Variants in ZNF628 observed in about 807,000 individuals in gnomAD.
The protein encoded by ZNF628 is zinc finger protein Zec.
A neutral mutation model predicts 2.5 loss-of-function variants in ZNF628; 3 were observed. That is an observed-to-expected ratio of 1.19 (90% CI 0.54 to 3.07). The LOEUF is 3.07. Ranked by LOEUF, ZNF628 falls within the 30% of genes most tolerant of loss-of-function variation. The pLI is 0.03. For synonymous variants in ZNF628, 861 were observed against 717.1 expected, an observed-to-expected ratio of 1.20 and a Z score of -3.21; for missense variants, 1,610 against 1,517.1, an observed-to-expected ratio of 1.06 and a Z score of -1.02.
chr19:55,481,129 G>C (rs987912778), intron 2 of ZNF628, 72 bp from the exon 3 acceptor site: 1 of 1,446,338 alleles, frequency 6.9e-7, no homozygotes, highest in South Asian at 1.5e-5. Flanking sequence ...CCCTTAAAGA[G>C]CCCGTGTGTG....
rs752898034 is a variant in ZNF628, at chr19:55,483,130, C to T, written c.1937C>T (p.Pro646Leu). The change falls in exon 3 of 3, where the codon CCG becomes CTG. Residue 646 changes from proline to leucine, a missense_variant. Physicochemically the swap from Pro to Leu is moderately conservative, Grantham distance 98. Coordinates refer to ENST00000598519, the MANE Select transcript of ZNF628 (RefSeq NM_033113.3). ...CAGCGGCACCTGAGGACGCACGCCC[C>T]GGCCAACACGCCTCCCAGCACCACA... ...YLQRHLRTHA[P>L]ANTPPSTTAP... 19 of 1,587,582 alleles carry T rather than the reference C, an allele frequency of 1.2e-5. No homozygotes were observed. The highest frequency in any genetic ancestry group is 9.4e-5 in the African/African-American group (7 of 74,508).
chr19:55,483,397 C>G lies in ZNF628; in HGVS notation c.2204C>G (p.Pro735Arg), dbSNP rs1158327768. ...AGCGTGCAGCCCCCTACACCTCCGC[C>G]CCCTCCCGCACCTCCCAAGCTCATC... The part of the protein sequence containing the change: ...PSSVQPPTPP[P>R]PPAPPKLILL... The change falls in exon 3 of 3, where the codon CCC (proline) becomes CGC (arginine). Residue 735 changes from proline (P) to arginine (R), a missense_variant. This residue lies in a region of ZNF628 where 712 missense variants were observed against 603.6 expected (regional missense o/e 1.18). Transcript: ENST00000598519. 3 of 1,533,750 alleles carry G rather than the reference C, an allele frequency of 2.0e-6. No homozygotes were observed. The Admixed American group carries it at 6.1e-5, about 31-fold the overall frequency.
Position 55,479,285 on chromosome 19 carries a change from A to G in ZNF628, c.-77-549A>G, listed in dbSNP as rs187606592. Among the ~76,000 whole-genome samples, 508 of 152,344 alleles carry G rather than the reference A, an allele frequency of 3.3e-3. 2 individuals carry two copies. The highest frequency in any genetic ancestry group is 5.8e-3 in the Admixed American group (88 of 15,304). The stretch of plus-strand genomic sequence containing the variant: ...GGCCATTGCGGGCCACGCGCCGCCC[A>G]GGCCATGGAGTGGGGGCACCCGCGT... On this transcript the variant is annotated intron_variant, in intron 1 of 2. Coordinates refer to ENST00000598519, the MANE Select transcript of ZNF628 (RefSeq NM_033113.3). This position sits in a 1 kb window ranked among gnomAD's most constrained non-coding sequence, Gnocchi z 5.1.
intron 1 of ZNF628, among the ~76,000 whole-genome samples, chr19:55,477,686 C>T (rs1986592022): frequency 6.7e-6 from 1 of 148,380 alleles, no homozygotes; most frequent in Non-Finnish European, 1.5e-5. Context: ...CGCTTGAAGC[C>T]GGGAGGCGAA....
intron 1 of ZNF628, among the ~76,000 whole-genome samples, chr19:55,478,438 G>A (rs911876406): frequency 6.6e-6 from 1 of 152,182 alleles, no homozygotes; most frequent in African/African-American, 2.4e-5. Context: ...GGGAGCAGGC[G>A]TGCCTGGCCA....
In ZNF628 at chr19:55,484,401, C is replaced by G. The variant is rs1291791385; in HGVS notation, c.*28C>G. ...AGAGGCAGTGATTCCCCTCCCGCCC[C>G]GCACAGAGACCCCGACTCACTGCCA... On this transcript the variant is annotated 3_prime_UTR_variant, in exon 3 of 3. Transcript: ENST00000598519. The G allele has an allele frequency of 1.0e-5, 15 of 1,429,964 alleles. No homozygotes were observed. In the South Asian group the frequency reaches 1.1e-4, roughly 10 times the overall value. The allele number at this position is 1,429,964 out of a possible 1,614,324, so 88.6% of individuals were successfully genotyped here.
chr19:55,481,185 A>G lies in ZNF628; in HGVS notation c.8-16A>G, dbSNP rs1421446899. ...CAGTGCGGGGGTGAGCCGCTGACCCAGAATCCCTCCCCCAGGTGTGATGGT... is the reference window on the plus strand; with the variant it reads ...CAGTGCGGGGGTGAGCCGCTGACCCGGAATCCCTCCCCCAGGTGTGATGGT... On this transcript the variant is annotated splice_polypyrimidine_tract_variant and intron_variant, in intron 2 of 2. Coordinates refer to ENST00000598519, the MANE Select transcript of ZNF628 (RefSeq NM_033113.3). 6.6e-7 allele frequency: 1 copy of G among 1,514,922 alleles called. No individual in the cohort carries two copies. Among genetic ancestry groups the G allele is most frequent in the Non-Finnish European group, 8.8e-7 (1 of 1,134,538 alleles). The allele number at this position is 1,514,922 out of a possible 1,614,324, so 93.8% of individuals were successfully genotyped here. A position where few individuals can be genotyped will look rare whatever the true frequency, so the allele number is the denominator to read the frequency against.
rs760568901 is a variant in ZNF628 at position 55,483,929 on chromosome 19, C to G, written c.2736C>G (p.Gly912=). 2.5e-6 allele frequency: 4 copies of G among 1,575,312 alleles called. No homozygotes were observed. In the East Asian group the frequency reaches 9.2e-5, roughly 36 times the overall value. The change falls in exon 3 of 3, where the codon GGC becomes GGG. Residue 912 remains glycine (G), a synonymous_variant. Transcript: ENST00000598519. ...TGPGPGEAGD[G]EASTGVVQDV... ...CGGGCCCCGGGGAGGCGGGGGATGG[C>G]GAGGCCAGCACTGGTGTGGTCCAGG...
chr19:55,477,593 C>T (rs1022522144), intron 1 of ZNF628, among the ~76,000 whole-genome samples: 1 of 151,852 alleles, frequency 6.6e-6, no homozygotes, highest in Non-Finnish European at 1.5e-5. Context: ...GAAACCCCGT[C>T]TCTACTAAAA....
chr19:55,484,376 A>C lies in ZNF628; in HGVS notation c.*3A>C, dbSNP rs1192388792. ...TCCAGCTGGTGCACACGTTTTGAGG[A>C]GAGGCAGTGATTCCCCTCCCGCCCC... On this transcript the variant is annotated 3_prime_UTR_variant, in exon 3 of 3. Coordinates refer to ENST00000598519, the MANE Select transcript of ZNF628 (RefSeq NM_033113.3). The C allele has an allele frequency of 6.9e-7, 1 of 1,442,458 alleles. No individual in the cohort carries two copies. The highest frequency in any genetic ancestry group is 1.5e-5 in the South Asian group (1 of 67,368). The allele number at this position is 1,442,458 out of a possible 1,614,324, so 89.4% of individuals were successfully genotyped here. A position where few individuals can be genotyped will look rare whatever the true frequency, so the allele number is the denominator to read the frequency against.
Position 55,483,779 on chromosome 19 carries a change from G to A in ZNF628, c.2586G>A (p.Val862=), listed in dbSNP as rs780418169. ...TCCAGCTCCAGCCAGCACAGGAGGT[G>A]ACCACGGTCCAGCTCCAGCCCGTGG... The part of the protein sequence containing the change: ...TTVQLQPAQE[V]TTVQLQPVAG... Residue 862 remains valine (V), a synonymous_variant, in exon 3 of 3, where the codon GTG becomes GTA. Transcript: ENST00000598519. The A allele has an allele frequency of 3.1e-6, 5 of 1,613,604 alleles. No homozygotes were observed. In the East Asian group the frequency reaches 1.1e-4, roughly 36 times the overall value.
chr19:55,482,626 G>T lies in ZNF628; in HGVS notation c.1433G>T (p.Gly478Val). The T allele has an allele frequency of 6.2e-7, 1 of 1,609,296 alleles. No individual in the cohort carries two copies. ...GLRYHLRDHT[G>V]ERPYQCGECG... is the part of the protein sequence containing the mutation. ...CGCTACCACCTGCGGGACCACACGG[G>T]CGAGCGGCCCTACCAGTGTGGCGAG... The change falls in exon 3 of 3, where the codon GGC becomes GTC. Residue 478 changes from glycine to valine, a missense_variant. Physicochemically the swap from Gly to Val is moderately radical, Grantham distance 109. This residue lies in a region of ZNF628 where 651 missense variants were observed against 575.6 expected (regional missense o/e 1.13). Coordinates refer to ENST00000598519, the MANE Select transcript of ZNF628 (RefSeq NM_033113.3).
In ZNF628 at chr19:55,482,918, C is replaced by G; in HGVS notation, c.1725C>G (p.Phe575Leu). 6.2e-7 allele frequency: 1 copy of G among 1,609,196 alleles called. No individual in the cohort carries two copies. Among genetic ancestry groups the G allele is most frequent in the Non-Finnish European group, 8.5e-7 (1 of 1,178,744 alleles). The change falls in exon 3 of 3, where the codon TTC becomes TTG. Residue 575 changes from phenylalanine to leucine, a missense_variant. By Grantham distance (22) the Phe-to-Leu change is conservative. Coordinates refer to ENST00000598519, the MANE Select transcript of ZNF628 (RefSeq NM_033113.3). ...PHACGVCGKSFAQTSNLRQHQ... is the reference protein window; with the variant it reads ...PHACGVCGKSLAQTSNLRQHQ... ...CCTGCGGTGTCTGCGGCAAGAGCTT[C>G]GCGCAGACCTCCAACCTGCGGCAGC...
Position 55,484,403 on chromosome 19 carries a change from C to T in ZNF628, c.*30C>T. ...AGGCAGTGATTCCCCTCCCGCCCCG[C>T]ACAGAGACCCCGACTCACTGCCAGC... On this transcript the variant is annotated 3_prime_UTR_variant, in exon 3 of 3. Transcript: ENST00000598519. The T allele has an allele frequency of 7.0e-7, 1 of 1,429,336 alleles. No homozygotes were observed. The highest frequency in any genetic ancestry group is 9.2e-7 in the Non-Finnish European group (1 of 1,087,492). 88.5% of individuals were successfully genotyped at this position (1,429,336 alleles called of 1,614,324 possible).
Position 55,482,305 on chromosome 19 carries a change from T to C in ZNF628, c.1112T>C (p.Leu371Pro). The C allele has an allele frequency of 6.8e-7, 1 of 1,468,792 alleles. No homozygotes were observed. Among genetic ancestry groups the C allele is most frequent in the Non-Finnish European group, 9.0e-7 (1 of 1,116,056 alleles). The allele number at this position is 1,468,792 out of a possible 1,614,324, so 91.0% of individuals were successfully genotyped here. A position where few individuals can be genotyped will look rare whatever the true frequency, so the allele number is the denominator to read the frequency against. Residue 371 changes from leucine (L) to proline (P), a missense_variant, in exon 3 of 3, where the codon CTC becomes CCC. Physicochemically the swap from Leu to Pro is moderately conservative, Grantham distance 98. Around this residue, in one of 5 missense-constraint regions of ZNF628, gnomAD observed 651 missense variants for 575.6 expected, o/e 1.13. Coordinates refer to ENST00000598519, the MANE Select transcript of ZNF628 (RefSeq NM_033113.3). The part of the protein sequence containing the change: ...CGKSFRTVAG[L>P]SRHQHSHGAA... ...AAGTCCTTCCGGACGGTGGCTGGGC[T>C]CTCCCGCCACCAGCACAGCCACGGG... is the stretch of plus-strand genomic sequence containing the variant.
Position 55,479,521 on chromosome 19 carries a change from C to G in ZNF628, c.-77-313C>G, listed in dbSNP as rs1489856277. 6.6e-6 allele frequency among the ~76,000 whole-genome samples: 1 copy of G among 152,010 alleles called. No homozygotes were observed. On this transcript the variant is annotated intron_variant, in intron 1 of 2. Transcript: ENST00000598519. This position sits in a 1 kb window ranked among gnomAD's most constrained non-coding sequence, Gnocchi z 5.1. Reference sequence around the variant, plus strand: ...GAGGATGTGGGTGGGAAGGCACAGTCCACGGGCACTGGGTCAGGCCTGTGG... The same window carrying G: ...GAGGATGTGGGTGGGAAGGCACAGTGCACGGGCACTGGGTCAGGCCTGTGG...
rs760293374 is a variant in ZNF628 at position 55,483,546 on chromosome 19, C to G, written c.2353C>G (p.Gln785Glu). The change falls in exon 3 of 3, where the codon CAG (glutamine) becomes GAG (glutamate). Residue 785 changes from glutamine (Q) to glutamate (E), a missense_variant. By Grantham distance (29) the Gln-to-Glu change is conservative. This residue lies in a region of ZNF628 where 712 missense variants were observed against 603.6 expected (regional missense o/e 1.18). Coordinates refer to ENST00000598519, the MANE Select transcript of ZNF628 (RefSeq NM_033113.3). ...GCCAGGCCCTGGGGGTCTAGGGGTG[C>G]AGGGAGCGGCCAGCGCTGGGGCCAG... The part of the protein sequence containing the change: ...WLPGPGGLGV[Q>E]GAASAGASGT... The G allele has an allele frequency of 2.5e-6, 4 of 1,584,802 alleles. No individual in the cohort carries two copies. The highest frequency in any genetic ancestry group is 3.4e-6 in the Non-Finnish European group (4 of 1,163,978).
intron 1 of ZNF628, among the ~76,000 whole-genome samples, chr19:55,477,531 G>A (rs1341161583): frequency 6.6e-6 from 1 of 152,158 alleles, no homozygotes; most frequent in Non-Finnish European, 1.5e-5. Flanking sequence ...GGAGGCCGAG[G>A]CGGGCGGATC....
In ZNF628 at chr19:55,482,611, T is replaced by A; in HGVS notation, c.1418T>A (p.Leu473Gln). The change falls in exon 3 of 3, where the codon CTG becomes CAG. Residue 473 changes from leucine (L) to glutamine (Q), a missense_variant. Transcript: ENST00000598519. ...FKGSSGLRYH[L>Q]RDHTGERPYQ... Reference sequence around the variant, plus strand: ...GGCTCCTCCGGGCTGCGCTACCACCTGCGGGACCACACGGGCGAGCGGCCC... The same window carrying A: ...GGCTCCTCCGGGCTGCGCTACCACCAGCGGGACCACACGGGCGAGCGGCCC... 1.2e-6 allele frequency: 2 copies of A among 1,603,176 alleles called. No individual in the cohort carries two copies. Among genetic ancestry groups the A allele is most frequent in the East Asian group, 2.2e-5 (1 of 44,674 alleles).
Sources: allele counts gnomAD v4.1 joint callset (sites outside exome capture counted in the v4.1 genomes callset), GRCh38; gene constraint gnomAD v4.1.1; regional missense constraint gnomAD v4.1.1; non-coding constraint Gnocchi (gnomAD v3.1); transcripts MANE v1.5; gene names NCBI Gene and HGNC (gene_info 2026-07-23, HGNC 2026-07-21).